The following GATAD2B variants were observed in gnomAD, a reference collection of about 807,000 sequenced individuals.
GATAD2B encodes the protein transcriptional repressor p66-beta.
Under a neutral mutation model 64.3 loss-of-function variants are expected in GATAD2B, and 8 were observed. The ratio of observed to expected loss-of-function variants is 0.12; its 90% CI spans 0.07 to 0.22. GATAD2B has a LOEUF of 0.22. GATAD2B is among the 10% of genes least tolerant of loss of function. The pLI is 1.00. For missense variants in GATAD2B, 453 were observed against 752.0 expected (o/e 0.60, Z 4.65); for synonymous variants, 281 against 271.3 (o/e 1.04, Z -0.35).
At chr1:153,893,587 G>C (rs978649142) in intron 1 of GATAD2B, among the ~76,000 whole-genome samples, 2 of 151,314 alleles carry the variant, frequency 1.3e-5, no homozygotes, top group Admixed American at 6.6e-5. Context: ...TCCAGCCTGG[G>C]CAACAGAGCA....
At position 153,815,644 on chromosome 1, in the gene GATAD2B, C is replaced by T. The variant is rs144953763; in HGVS notation, c.1216+629G>A. ...ATATCAAGCCTCAATGATAGCTGACCTGCTGAAGGGAAAAAAAAACAAGCC... is the reference window on the plus strand; with the variant it reads ...ATATCAAGCCTCAATGATAGCTGACTTGCTGAAGGGAAAAAAAAACAAGCC... On this transcript the variant is annotated intron_variant, in intron 7 of 10. Coordinates refer to ENST00000368655, the MANE Select transcript of GATAD2B (RefSeq NM_020699.4). 1.9e-3 allele frequency among the ~76,000 whole-genome samples: 286 copies of T among 151,534 alleles called. 2 individuals are homozygous for T. The highest frequency in any genetic ancestry group is 6.5e-3 in the African/African-American group (270 of 41,278).
chr1:153,817,410 T>C lies in GATAD2B; in HGVS notation c.862A>G (p.Thr288Ala), dbSNP rs756298987. The change falls in exon 6 of 11, where the codon ACA (threonine) becomes GCA (alanine). Residue 288 changes from threonine (T) to alanine (A), a missense_variant. Physicochemically the swap from Thr to Ala is moderately conservative, Grantham distance 58. Around this residue, in one of 2 missense-constraint regions of GATAD2B, gnomAD observed 293 missense variants for 417.2 expected, o/e 0.70. Coordinates refer to ENST00000368655, the MANE Select transcript of GATAD2B (RefSeq NM_020699.4). The stretch of plus-strand genomic sequence containing the variant: ...ATGGCGGGATTCATGTTGGGTGTTG[T>C]GGTGCGTACAAGGCCAGGCTTAGGC... ...GPPKPGLVRT[T>A]TPNMNPAINY... 4.5e-5 allele frequency: 72 copies of C among 1,601,550 alleles called. No individual in the cohort carries two copies. The highest frequency in any genetic ancestry group is 6.0e-5 in the Non-Finnish European group (71 of 1,175,500).
intron 1 of GATAD2B, among the ~76,000 whole-genome samples, chr1:153,857,137 C>CATATATAT (rs10563350): frequency 5.1e-5 from 5 of 98,248 alleles, no homozygotes; most frequent in East Asian, 2.2e-4. Flanking sequence ...TATGCATATG[C>CATATATAT]ATATATATAT....
At chr1:153,829,228 A>G (rs1266169952) in intron 1 of GATAD2B, among the ~76,000 whole-genome samples, 1 of 152,158 alleles carries the variant, frequency 6.6e-6, no homozygotes, top group Non-Finnish European at 1.5e-5. Context: ...AAAAAAATCT[A>G]AATGCAAATT....
chr1:153,853,430 TA>T, intron 1 of GATAD2B: 1 of 629,814 alleles, frequency 1.6e-6, no homozygotes. Context: ...CCTGGAGAAA[TA>T]AATCAACGGA....
chr1:153,813,299 T>C lies in GATAD2B; in HGVS notation c.1370A>G (p.His457Arg). Residue 457 changes from histidine to arginine, a missense_variant, in exon 8 of 11, where the codon CAC becomes CGC. By Grantham distance (29) the His-to-Arg change is conservative. This residue lies in a region of GATAD2B where 160 missense variants were observed against 334.7 expected (regional missense o/e 0.48). Coordinates refer to ENST00000368655, the MANE Select transcript of GATAD2B (RefSeq NM_020699.4). ...SNQKKALKAE[H>R]TNRLKNAFVK... is the part of the protein sequence containing the mutation. Reference sequence around the variant, plus strand: ...AAATGCATTTTTCAGCCGGTTGGTGTGTTCAGCTTTTAGAGCCTTTTTCTG... The same window carrying C: ...AAATGCATTTTTCAGCCGGTTGGTGCGTTCAGCTTTTAGAGCCTTTTTCTG... 1 of 1,614,196 alleles carries C rather than the reference T, an allele frequency of 6.2e-7. No individual in the cohort carries two copies. The highest frequency in any genetic ancestry group is 8.5e-7 in the Non-Finnish European group (1 of 1,180,034).
At position 153,816,630 on chromosome 1, in the gene GATAD2B, GA is replaced by G; in HGVS notation, c.901-43del. The G allele has an allele frequency of 7.4e-7, 1 of 1,348,454 alleles. No individual in the cohort carries two copies. Among genetic ancestry groups the G allele is most frequent in the Non-Finnish European group, 1.1e-6 (1 of 950,574 alleles). The allele number at this position is 1,348,454 out of a possible 1,614,324, so 83.5% of individuals were successfully genotyped here. Reference sequence around the variant, plus strand: ...ATGCGGTCAATCATGGTATGCAGGAGAAAGGGCCAATTCTTACGTTCTTGGC... The same window carrying G: ...ATGCGGTCAATCATGGTATGCAGGAGAAGGGCCAATTCTTACGTTCTTGGC... On this transcript the variant is annotated intron_variant, in intron 6 of 10. Transcript: ENST00000368655. This position sits in a 1 kb window ranked among gnomAD's most constrained non-coding sequence, Gnocchi z 4.9.
At chr1:153,906,344 G>C (rs1677938098) in intron 1 of GATAD2B, among the ~76,000 whole-genome samples, 1 of 152,048 alleles carries the variant, frequency 6.6e-6, no homozygotes, top group South Asian at 2.1e-4. Flanking sequence ...ACTTGAATCT[G>C]GGAGGCAGAG....
intron 1 of GATAD2B, among the ~76,000 whole-genome samples, chr1:153,901,905 C>T (rs1182917632): frequency 1.3e-5 from 2 of 149,192 alleles, no homozygotes; most frequent in African/African-American, 2.5e-5. Flanking sequence ...TGAACGTGCC[C>T]GGTCCTGTCT....
rs547053936 is a variant in GATAD2B, at chr1:153,841,357, T to C, written c.-1-13009A>G. Among the ~76,000 whole-genome samples, 4 of 152,236 alleles carry C rather than the reference T, an allele frequency of 2.6e-5. No homozygotes were observed. The South Asian group carries it at 8.3e-4, about 32-fold the overall frequency. Reference sequence around the variant, plus strand: ...TTTGTCACATTTGTAAGTTCATGTATCCATCATCACAGTTAAGAAACAGCA... The same window carrying C: ...TTTGTCACATTTGTAAGTTCATGTACCCATCATCACAGTTAAGAAACAGCA... On this transcript the variant is annotated intron_variant, in intron 1 of 10. Transcript: ENST00000368655.
rs1452136176 is a variant in GATAD2B, at chr1:153,806,371, A to C, written c.*3806T>G. ...CTCCAGGGTGGGGAGGCAAGGCACA[A>C]ATTAGGGGTGGGTGGTGGGGGAGGT... On this transcript the variant is annotated 3_prime_UTR_variant, in exon 11 of 11. Transcript: ENST00000368655. 6.8e-6 allele frequency: 1 copy of C among 147,684 alleles called. No homozygotes were observed. Among genetic ancestry groups the C allele is most frequent in the Non-Finnish European group, 1.5e-5 (1 of 66,916 alleles). The allele number at this position is 147,684 out of a possible 1,614,324, so 9.1% of individuals were successfully genotyped here.
intron 1 of GATAD2B, among the ~76,000 whole-genome samples, chr1:153,857,650 C>G (rs1378137059): frequency 1.3e-5 from 2 of 152,046 alleles, no homozygotes; most frequent in Admixed American, 6.6e-5. Flanking sequence ...AGAGAGATGT[C>G]TCTGGAATGG....
At chr1:153,873,111 G>C (rs1485140717) in intron 1 of GATAD2B, among the ~76,000 whole-genome samples, 1 of 152,064 alleles carries the variant, frequency 6.6e-6, no homozygotes. Flanking sequence ...TGTTAACACA[G>C]GGAAGAAGGC....
intron 1 of GATAD2B, among the ~76,000 whole-genome samples, chr1:153,889,219 C>A (rs976514771): frequency 6.6e-5 from 10 of 151,626 alleles, no homozygotes; most frequent in African/African-American, 2.4e-4. Context: ...TCGAGACAAG[C>A]CTGACCAACA....
intron 1 of GATAD2B, among the ~76,000 whole-genome samples, chr1:153,902,644 T>C (rs1249433758): frequency 6.6e-6 from 1 of 151,982 alleles, no homozygotes; most frequent in Non-Finnish European, 1.5e-5. Flanking sequence ...TTTTTGTAAA[T>C]GGGGTCTCAC....
chr1:153,874,326 A>C (rs527634758), intron 1 of GATAD2B, among the ~76,000 whole-genome samples: 6 of 152,250 alleles, frequency 3.9e-5, no homozygotes, highest in African/African-American at 1.4e-4. Context: ...ACCCAGTCTC[A>C]GGTTATAGCA....
chr1:153,861,619 TAA>T (rs969410001), intron 1 of GATAD2B, among the ~76,000 whole-genome samples: 3 of 134,498 alleles, frequency 2.2e-5, no homozygotes, highest in African/African-American at 2.7e-5. Flanking sequence ...CCATCTCTAC[TAA>T]AAAAAAAAAA....
chr1:153,837,984 T>C (rs1031122378), intron 1 of GATAD2B, among the ~76,000 whole-genome samples: 5 of 152,080 alleles, frequency 3.3e-5, no homozygotes, highest in Non-Finnish European at 7.4e-5. Context: ...TACTTATATA[T>C]TTTTTTTCTC....
At chr1:153,853,473 T>C (rs1019813788) in intron 1 of GATAD2B, 2 of 452,700 alleles carry the variant, frequency 4.4e-6, no homozygotes, top group African/African-American at 2.0e-5. Context: ...TTAATATACA[T>C]ATATTTTTTG....
Sources: gnomAD v4.1 joint callset for allele counts (sites outside exome capture counted in the v4.1 genomes callset) on GRCh38, gnomAD v4.1.1 for gene constraint, gnomAD v4.1.1 regional missense constraint, Gnocchi (gnomAD v3.1) non-coding constraint, MANE v1.5 for transcripts, NCBI Gene and HGNC (gene_info 2026-07-23, HGNC 2026-07-21) for gene names.